Variants in SHISA9 observed in about 807,000 individuals in gnomAD.
The protein encoded by SHISA9 is shisa family member 9.
A neutral mutation model predicts 38.0 loss-of-function variants in SHISA9; 13 were observed. The ratio of observed to expected loss-of-function variants is 0.34; its 90% CI spans 0.22 to 0.54. The LOEUF (loss-of-function observed/expected upper bound fraction) is 0.54. SHISA9 is among the 20% of genes least tolerant of loss of function. The pLI, the probability that SHISA9 is intolerant of heterozygous loss-of-function variation, is 0.91. For synonymous variants in SHISA9, 275 were observed against 242.0 expected, an observed-to-expected ratio of 1.14 and a Z score of -1.27; for missense variants, 538 against 575.8, an observed-to-expected ratio of 0.93 and a Z score of 0.67.
At chr16:13,562,252 C>T in the SHISA9 span, among the ~76,000 whole-genome samples, 7 of 152,196 alleles carry the variant, frequency 4.6e-5, no homozygotes, top group Admixed American at 6.5e-5. Context: ...CTATGACTGG[C>T]CAGCCTTGGA....
At chr16:12,952,213 A>C (rs1013635814) in intron 2 of SHISA9, among the ~76,000 whole-genome samples, 36 of 152,258 alleles carry the variant, frequency 2.4e-4, no homozygotes, top group African/African-American at 8.7e-4. Context: ...TGCTTTCCCA[A>C]GGTGGAATTG....
chr16:13,327,813 C>T, the SHISA9 span, among the ~76,000 whole-genome samples: 11 of 151,928 alleles, frequency 7.2e-5, no homozygotes, highest in African/African-American at 1.9e-4. Context: ...CCTGCCACCA[C>T]GCCTGGCTAA....
the SHISA9 span, among the ~76,000 whole-genome samples, chr16:13,559,216 T>C: frequency 2.0e-5 from 3 of 152,134 alleles, no homozygotes; most frequent in Admixed American, 6.6e-5. Context: ...CACACAGAGA[T>C]GTGGGATGTG....
the SHISA9 span, among the ~76,000 whole-genome samples, chr16:13,526,919 G>C: frequency 6.6e-6 from 1 of 152,126 alleles, no homozygotes; most frequent in African/African-American, 2.4e-5. Flanking sequence ...AGATACTTGA[G>C]CTTCCTGTAA....
At chr16:13,249,659 T>C in the SHISA9 span, among the ~76,000 whole-genome samples, 11 of 152,248 alleles carry the variant, frequency 7.2e-5, no homozygotes, top group African/African-American at 2.2e-4. Context: ...TCTGTGTCTG[T>C]TTTTTACTCA....
At chr16:13,271,498 T>A in the SHISA9 span, among the ~76,000 whole-genome samples, 2 of 152,086 alleles carry the variant, frequency 1.3e-5, no homozygotes, top group African/African-American at 4.8e-5. Flanking sequence ...GCGTGTACGG[T>A]GGTGAAGGAG....
the SHISA9 span, among the ~76,000 whole-genome samples, chr16:13,547,811 T>A: frequency 6.6e-6 from 1 of 152,062 alleles, no homozygotes; most frequent in Non-Finnish European, 1.5e-5. Flanking sequence ...ATAAACAGAT[T>A]TAGTGAATAT....
chr16:13,192,155 T>C (rs955701667), intron 2 of SHISA9, among the ~76,000 whole-genome samples: 11 of 152,148 alleles, frequency 7.2e-5, no homozygotes, highest in South Asian at 2.1e-4. Flanking sequence ...TTCTCACTTA[T>C]GGATGGGAGC....
At chr16:13,191,660 GGACT>G (rs1252751227) in intron 2 of SHISA9, among the ~76,000 whole-genome samples, 1 of 152,118 alleles carries the variant, frequency 6.6e-6, no homozygotes, top group African/African-American at 2.4e-5. Context: ...AGTCCAAAAT[GGACT>G]GACTAAAAAC....
chr16:13,416,261 G>A, the SHISA9 span, among the ~76,000 whole-genome samples: 4 of 152,162 alleles, frequency 2.6e-5, no homozygotes, highest in African/African-American at 9.6e-5. Flanking sequence ...TTAGAACCTG[G>A]TAAGTTTATG....
intron 2 of SHISA9, among the ~76,000 whole-genome samples, chr16:13,125,144 C>CTTT (rs2050245359): frequency 6.6e-6 from 1 of 151,882 alleles, no homozygotes; most frequent in Non-Finnish European, 1.5e-5. Flanking sequence ...AAAGCTTCTG[C>CTTT]ATAACAAAGG....
At chr16:13,090,895 G>C (rs1217132200) in intron 2 of SHISA9, among the ~76,000 whole-genome samples, 8 of 152,190 alleles carry the variant, frequency 5.3e-5, no homozygotes, top group Non-Finnish European at 1.2e-4. Context: ...TAGCATTGAT[G>C]GTCTTTACAA....
the SHISA9 span, among the ~76,000 whole-genome samples, chr16:13,457,378 G>T: frequency 1.3e-5 from 2 of 152,064 alleles, no homozygotes; most frequent in Admixed American, 1.3e-4. Context: ...GGGTGCTTTT[G>T]CTCCCCTCTC....
At chr16:13,406,162 A>G in the SHISA9 span, among the ~76,000 whole-genome samples, 3 of 152,110 alleles carry the variant, frequency 2.0e-5, no homozygotes, top group Admixed American at 6.5e-5. Context: ...AATTCACCAA[A>G]AGTTGTGCAT....
chr16:13,396,279 G>A, the SHISA9 span, among the ~76,000 whole-genome samples: 4 of 152,176 alleles, frequency 2.6e-5, no homozygotes, highest in Admixed American at 6.5e-5. Flanking sequence ...GGCCGAGGCC[G>A]GCGGATCACT....
intron 2 of SHISA9, among the ~76,000 whole-genome samples, chr16:13,035,783 TA>T (rs1234385195): frequency 5.3e-5 from 8 of 152,142 alleles, no homozygotes; most frequent in Non-Finnish European, 5.9e-5. Flanking sequence ...TGCCTGCCAA[TA>T]ACTTCCATCA....
chr16:13,376,090 C>G, the SHISA9 span, among the ~76,000 whole-genome samples: 117,145 of 152,120 alleles, frequency 0.77, 45,426 homozygotes, highest in East Asian at 0.96. Context: ...TAATTGTGTT[C>G]CCTAGAAAAA....
At chr16:13,004,880 C>A (rs999063059) in intron 2 of SHISA9, among the ~76,000 whole-genome samples, 1 of 148,080 alleles carries the variant, frequency 6.8e-6, no homozygotes, top group East Asian at 2.0e-4. Flanking sequence ...TGCAGTGAGC[C>A]TAGATCATGC....
At chr16:13,498,488 G>A in the SHISA9 span, among the ~76,000 whole-genome samples, 11 of 152,164 alleles carry the variant, frequency 7.2e-5, no homozygotes, top group Admixed American at 7.2e-4. Flanking sequence ...TGGGCGCAGT[G>A]GCTCACACCT....
Sources: allele counts gnomAD v4.1 joint callset (sites outside exome capture counted in the v4.1 genomes callset), GRCh38; gene constraint gnomAD v4.1.1; transcripts MANE v1.5; gene names NCBI Gene and HGNC (gene_info 2026-07-23, HGNC 2026-07-21).